Variants in TYW1 observed in about 807,000 individuals in gnomAD.
TYW1 encodes tRNA-yW synthesizing protein 1 homolog.
A neutral mutation model predicts 96.2 loss-of-function variants in TYW1; 46 were observed. The observed-to-expected ratio is 0.48, with a 90% CI of 0.38 to 0.61. The LOEUF is 0.61. Ranked by LOEUF, TYW1 falls within the 20% of genes least tolerant of loss-of-function variation. TYW1 has a pLI of 0.00. For synonymous variants in TYW1, 274 were observed against 323.0 expected, an observed-to-expected ratio of 0.85 and a Z score of 1.63; for missense variants, 684 against 909.6, an observed-to-expected ratio of 0.75 and a Z score of 3.19.
At chr7:67,069,470 G>A (rs1252991716) in intron 10 of TYW1, among the ~76,000 whole-genome samples, 1 of 152,198 alleles carries the variant, frequency 6.6e-6, no homozygotes, top group Admixed American at 6.5e-5. Flanking sequence ...CAGGTGCAGT[G>A]GCTTATGCCT....
At chr7:67,018,184 C>G (rs1390571196) in intron 6 of TYW1, 41 bp downstream of exon 6, 4 of 1,588,518 alleles carry the variant, frequency 2.5e-6, no homozygotes, top group South Asian at 1.1e-5. Context: ...CTTTCCTCTT[C>G]TGCTTGGAGA....
chr7:67,023,271 A>T (rs1207588656), intron 6 of TYW1, among the ~76,000 whole-genome samples: 1 of 151,482 alleles, frequency 6.6e-6, no homozygotes, highest in East Asian at 2.0e-4. Context: ...TAATTTTTGT[A>T]TTTTTAGTAG....
intron 15 of TYW1, among the ~76,000 whole-genome samples, chr7:67,205,526 T>A (rs567115823): frequency 7.3e-5 from 11 of 151,600 alleles, no homozygotes; most frequent in Middle Eastern, 3.4e-3. Flanking sequence ...CCCTGTGTAG[T>A]CTGTATGACA....
intron 13 of TYW1, among the ~76,000 whole-genome samples, chr7:67,129,279 C>A (rs752915104): frequency 2.0e-5 from 3 of 152,200 alleles, no homozygotes; most frequent in Non-Finnish European, 4.4e-5. Flanking sequence ...TCCTGTTTCC[C>A]TCCCCTTACC....
intron 15 of TYW1, among the ~76,000 whole-genome samples, chr7:67,204,439 A>C (rs1800702378): frequency 1.4e-5 from 2 of 147,588 alleles, no homozygotes; most frequent in Non-Finnish European, 3.0e-5. Flanking sequence ...TTATTTTCCT[A>C]TTTCTATTTA....
intron 11 of TYW1, among the ~76,000 whole-genome samples, chr7:67,087,469 G>A (rs1374205237): frequency 1.3e-5 from 2 of 152,180 alleles, no homozygotes; most frequent in Non-Finnish European, 2.9e-5. Context: ...TGAATCCTGA[G>A]TAGGCATTAG....
chr7:67,139,731 GTGTGTGTGTGTGTGTGTGTGTGTGTGT>G (rs1798382805), intron 13 of TYW1, among the ~76,000 whole-genome samples: 1 of 53,536 alleles, frequency 1.9e-5, no homozygotes, highest in African/African-American at 7.0e-5. Flanking sequence ...GTATACAGGT[GTGTGTGTGTGTGTGTGTGTGTGTGTGT>G]GTGTGTGTGT....
At chr7:67,012,019 T>C (rs1276031424) in intron 4 of TYW1, among the ~76,000 whole-genome samples, 1 of 151,792 alleles carries the variant, frequency 6.6e-6, no homozygotes, top group Non-Finnish European at 1.5e-5. Flanking sequence ...AATATGTAAA[T>C]GAATGAGTGT....
At chr7:67,145,944 T>G (rs1798598253) in intron 13 of TYW1, among the ~76,000 whole-genome samples, 1 of 152,114 alleles carries the variant, frequency 6.6e-6, no homozygotes, top group African/African-American at 2.4e-5. Context: ...TTTATTTATT[T>G]TTTTTAGAGA....
Position 67,109,748 on chromosome 7 carries a change from C to T in TYW1, c.1563-7735C>T, listed in dbSNP as rs185168778. On this transcript the variant is annotated intron_variant, in intron 12 of 15. Coordinates refer to ENST00000359626, the MANE Select transcript of TYW1 (RefSeq NM_018264.4). The stretch of plus-strand genomic sequence containing the variant: ...TACAAAAATTAGCCGGGTGTGGTGG[C>T]GGGCACCTGTAATCCCAGCTACTCG... 9.7e-4 allele frequency among the ~76,000 whole-genome samples: 148 copies of T among 152,194 alleles called. 1 individual carries two copies. Among genetic ancestry groups the T allele is most frequent in the African/African-American group, 3.4e-3 (140 of 41,524 alleles).
intron 7 of TYW1, among the ~76,000 whole-genome samples, chr7:67,033,772 TACA>T (rs1794744441): frequency 6.6e-6 from 1 of 151,744 alleles, no homozygotes; most frequent in Admixed American, 6.6e-5. Context: ...CTTGGCTCAG[TACA>T]ACCTCTGCCT....
At chr7:67,044,303 G>A (rs1482904181) in intron 7 of TYW1, among the ~76,000 whole-genome samples, 2 of 151,856 alleles carry the variant, frequency 1.3e-5, no homozygotes, top group Non-Finnish European at 2.9e-5. Flanking sequence ...TCATCATGTT[G>A]GCCAGGCTGT....
chr7:67,083,615 T>G, intron 11 of TYW1, 76 bp downstream of exon 11: 1 of 1,483,482 alleles, frequency 6.7e-7, no homozygotes. Flanking sequence ...GAATTGCCTC[T>G]TTGGTAGGAT....
intron 5 of TYW1, 51 bp from the exon 6 acceptor site, chr7:67,017,802 A>G (rs1303137268): frequency 1.3e-6 from 2 of 1,564,254 alleles, no homozygotes; most frequent in Admixed American, 1.8e-5. Flanking sequence ...CAGTCTGGAA[A>G]ACCCTGATTT....
rs546926277 is a variant in TYW1, at chr7:67,039,699, C to T, written c.985-10250C>T. On this transcript the variant is annotated intron_variant, in intron 7 of 15. Transcript: ENST00000359626. ...TTTTTTTTTGAGACAGAGTCTCACT[C>T]TGTCATCAGGCTGGGGTGCAGTGGC... Among the ~76,000 whole-genome samples, 21 of 150,712 alleles carry T rather than the reference C, an allele frequency of 1.4e-4. No homozygotes were observed. The South Asian group carries it at 4.0e-3, about 29-fold the overall frequency.
At chr7:67,158,819 C>T (rs564470564) in intron 13 of TYW1, among the ~76,000 whole-genome samples, 1 of 152,304 alleles carries the variant, frequency 6.6e-6, no homozygotes, top group Admixed American at 6.5e-5. Flanking sequence ...GATCTGCCCG[C>T]CTCAGCCTCC....
At chr7:67,227,035 C>A (rs888470398) in intron 15 of TYW1, among the ~76,000 whole-genome samples, 7 of 152,012 alleles carry the variant, frequency 4.6e-5, no homozygotes, top group African/African-American at 1.7e-4. Context: ...ATGAATGATT[C>A]GTTTTGCATT....
chr7:67,018,147 T>C lies in TYW1; in HGVS notation c.861+4T>C, dbSNP rs774781360. On this transcript the variant is annotated splice_donor_region_variant and intron_variant, in intron 6 of 15. Transcript: ENST00000359626. The stretch of plus-strand genomic sequence containing the variant: ...ATTGCATCATAGAGACACCGAGGTA[T>C]ACCGCCTGTGTGTTCATCTCTCGAG... The C allele has an allele frequency of 4.5e-5, 72 of 1,609,790 alleles. No individual in the cohort carries two copies. The East Asian group carries it at 1.6e-3, about 35-fold the overall frequency.
At chr7:67,191,786 T>C (rs1800226937) in intron 14 of TYW1, among the ~76,000 whole-genome samples, 1 of 151,812 alleles carries the variant, frequency 6.6e-6, no homozygotes, top group Admixed American at 6.6e-5. Flanking sequence ...AAGAACATTT[T>C]CTGCCCAGAG....
Sources: gnomAD v4.1 joint callset for allele counts (sites outside exome capture counted in the v4.1 genomes callset) on GRCh38, gnomAD v4.1.1 for gene constraint, MANE v1.5 for transcripts, NCBI Gene and HGNC (gene_info 2026-07-23, HGNC 2026-07-21) for gene names.